Variants in CUTC observed in about 807,000 individuals in gnomAD.
CUTC encodes copper homeostasis protein cutC homolog.
In CUTC, 27 loss-of-function variants were observed where a neutral mutation model predicts 36.2. That is an observed-to-expected ratio of 0.75 (90% CI 0.55 to 1.03). The LOEUF is 1.03. CUTC is among the 50% of genes least tolerant of loss of function. The probability of loss-of-function intolerance (pLI) is 0.00; values close to 1 mark genes in which losing one functional copy is unlikely to be tolerated. For synonymous variants in CUTC, 114 were observed against 118.3 expected (o/e 0.96, Z 0.24); for missense variants, 315 against 343.5 (o/e 0.92, Z 0.66).
At chr10:99,755,184 AT>A (rs1034794645) in intron 8 of CUTC, among the ~76,000 whole-genome samples, 6 of 152,254 alleles carry the variant, frequency 3.9e-5, no homozygotes, top group African/African-American at 1.4e-4. Flanking sequence ...GAAAAACACA[AT>A]GTAAAAGAAG....
chr10:99,755,701 A>G lies in CUTC; in HGVS notation c.784A>G (p.Arg262Gly). The change falls in exon 9 of 9, where the codon AGG becomes GGG. Residue 262 changes from arginine (R) to glycine (G), a missense_variant. By Grantham distance (125) the Arg-to-Gly change is moderately radical (BLOSUM62 -2). Transcript: ENST00000370476. ...SLKVTDVTKVRTLNAIAKNIL... is the reference protein window; with the variant it reads ...SLKVTDVTKVGTLNAIAKNIL... ...AAAGGTAACAGATGTGACCAAAGTA[A>G]GGACTTTGAATGCTATCGCAAAGAA... 1 of 1,613,852 alleles carries G rather than the reference A, an allele frequency of 6.2e-7. No homozygotes were observed. The highest frequency in any genetic ancestry group is 8.5e-7 in the Non-Finnish European group (1 of 1,179,764).
intron 2 of CUTC, among the ~76,000 whole-genome samples, chr10:99,738,287 A>G (rs1225237875): frequency 1.3e-5 from 2 of 152,160 alleles, no homozygotes; most frequent in Non-Finnish European, 2.9e-5. Context: ...GTCCCTTTTA[A>G]AGAACAAAAC....
intron 1 of CUTC, among the ~76,000 whole-genome samples, chr10:99,732,816 C>T (rs993288785): frequency 6.6e-6 from 1 of 152,132 alleles, no homozygotes; most frequent in South Asian, 2.1e-4. Context: ...GCTGCCACGG[C>T]GGGGACGGGG....
rs1234382049 is a variant in CUTC, at chr10:99,755,768, A to G, written c.*29A>G. The G allele has an allele frequency of 7.2e-7, 1 of 1,385,632 alleles. No homozygotes were observed. The highest frequency in any genetic ancestry group is 1.0e-6 in the Non-Finnish European group (1 of 973,692). The allele number at this position is 1,385,632 out of a possible 1,614,324, so 85.8% of individuals were successfully genotyped here. On this transcript the variant is annotated 3_prime_UTR_variant, in exon 9 of 9. Coordinates refer to ENST00000370476, the MANE Select transcript of CUTC (RefSeq NM_015960.3). ...GACCTCTCTGAGAGACATGGATATCACAGGATGAAGGTAGAACTATAATCT... is the reference window on the plus strand; with the variant it reads ...GACCTCTCTGAGAGACATGGATATCGCAGGATGAAGGTAGAACTATAATCT...
chr10:99,733,265 C>T (rs71488016), intron 1 of CUTC, among the ~76,000 whole-genome samples: 3,515 of 152,004 alleles, frequency 0.023, 54 homozygotes, highest in Non-Finnish European at 0.035. Context: ...GCCGAGATCG[C>T]GCCACTGCAC....
chr10:99,738,342 A>G lies in CUTC; in HGVS notation c.134-1368A>G, dbSNP rs570594484. 3.3e-5 allele frequency among the ~76,000 whole-genome samples: 5 copies of G among 151,856 alleles called. No individual in the cohort carries two copies. The South Asian group carries it at 1.0e-3, about 31-fold the overall frequency. ...ACCTTTAAAAAAATCATTTCTTAAT[A>G]TCGTCAAATAACCCAGTTTTCAGAT... On this transcript the variant is annotated intron_variant, in intron 2 of 8. Coordinates refer to ENST00000370476, the MANE Select transcript of CUTC (RefSeq NM_015960.3).
chr10:99,746,575 C>A (rs1316913068), intron 5 of CUTC, among the ~76,000 whole-genome samples: 1 of 151,716 alleles, frequency 6.6e-6, no homozygotes, highest in South Asian at 2.1e-4. Flanking sequence ...ATATTGAAAA[C>A]TTTTCATTTC....
Position 99,743,262 on chromosome 10 carries a change from T to G in CUTC, c.303T>G (p.Ala101=), listed in dbSNP as rs2037353343. The G allele has an allele frequency of 6.2e-7, 1 of 1,614,096 alleles. No individual in the cohort carries two copies. Among genetic ancestry groups the G allele is most frequent in the Non-Finnish European group, 8.5e-7 (1 of 1,180,046 alleles). The stretch of plus-strand genomic sequence containing the variant: ...ATCGTGAAATTGAGGTGATGAAGGC[T>G]GACATTCGTCTTGCCAAGCTTTATG... The part of the protein sequence containing the change: ...YSDREIEVMK[A]DIRLAKLYGA... Residue 101 remains alanine, a synonymous_variant, in exon 4 of 9, where the codon GCT becomes GCG. Coordinates refer to ENST00000370476, the MANE Select transcript of CUTC (RefSeq NM_015960.3).
At chr10:99,750,552 A>T (rs576700432) in intron 7 of CUTC, among the ~76,000 whole-genome samples, 156 bp downstream of exon 7, 1 of 152,246 alleles carries the variant, frequency 6.6e-6, no homozygotes, top group East Asian at 1.9e-4. Flanking sequence ...AATGTTTAAA[A>T]CTGGGAGATC....
At chr10:99,746,882 C>T (rs1266454408) in intron 5 of CUTC, among the ~76,000 whole-genome samples, 1 of 152,166 alleles carries the variant, frequency 6.6e-6, no homozygotes, top group South Asian at 2.1e-4. Context: ...GGTGATCCTC[C>T]CATCTCAGCC....
chr10:99,738,852 G>C (rs1375564090), intron 2 of CUTC, among the ~76,000 whole-genome samples: 2 of 152,064 alleles, frequency 1.3e-5, no homozygotes, highest in Non-Finnish European at 2.9e-5. Flanking sequence ...AAGGTTTTCT[G>C]TCAGCTTTTC....
At chr10:99,745,477 G>T (rs1347978651) in intron 5 of CUTC, among the ~76,000 whole-genome samples, 2 of 152,178 alleles carry the variant, frequency 1.3e-5, no homozygotes, top group Non-Finnish European at 2.9e-5. Context: ...AGCAGTATGA[G>T]AACCAAAGCA....
intron 6 of CUTC, among the ~76,000 whole-genome samples, chr10:99,747,917 A>G (rs1812160909): frequency 6.6e-6 from 1 of 152,222 alleles, no homozygotes; most frequent in Non-Finnish European, 1.5e-5. Flanking sequence ...TTCCAAAACT[A>G]AAATTATAAT....
chr10:99,746,507 T>TA (rs955053189), intron 5 of CUTC, among the ~76,000 whole-genome samples: 20 of 151,868 alleles, frequency 1.3e-4, no homozygotes, highest in African/African-American at 4.8e-4. Context: ...CCCCTGAACT[T>TA]AAAAAAAAGT....
intron 6 of CUTC, 42 bp from the exon 7 acceptor site, chr10:99,750,327 A>G: frequency 6.7e-7 from 1 of 1,494,644 alleles, no homozygotes; most frequent in Non-Finnish European, 9.1e-7. Flanking sequence ...CATTCAAGAG[A>G]AAGATATTAA....
intron 5 of CUTC, 103 bp from the exon 6 acceptor site, chr10:99,747,154 A>C (rs573144587): frequency 7.8e-7 from 1 of 1,284,038 alleles, no homozygotes; most frequent in African/African-American, 1.5e-5. Flanking sequence ...TTTGTAAGCC[A>C]GTACAAGCTA....
At position 99,736,297 on chromosome 10, in the gene CUTC, C is replaced by G. The variant is rs1564655016; in HGVS notation, c.113C>G (p.Ala38Gly). Residue 38 changes from alanine to glycine, a missense_variant, in exon 2 of 9, where the codon GCT (alanine) becomes GGT (glycine). Transcript: ENST00000370476. Reference protein sequence around the residue: ...MEVCVDSVESAVNAERGGADR... With the variant: ...MEVCVDSVESGVNAERGGADR... ...GTTTGTGTTGATTCAGTGGAATCAGCTGTGAATGCAGAAAGAGGAGGTAAG... is the reference window on the plus strand; with the variant it reads ...GTTTGTGTTGATTCAGTGGAATCAGGTGTGAATGCAGAAAGAGGAGGTAAG... The G allele has an allele frequency of 6.2e-7, 1 of 1,613,494 alleles. No homozygotes were observed. The highest frequency in any genetic ancestry group is 8.5e-7 in the Non-Finnish European group (1 of 1,179,512).
At position 99,747,312 on chromosome 10, in the gene CUTC, A is replaced by G; in HGVS notation, c.495A>G (p.Gly165=). 6.2e-7 allele frequency: 1 copy of G among 1,614,134 alleles called. No homozygotes were observed. ...MAALETLLTL[G]FERVLTSGCD... ...CTCTGGAGACCCTCTTAACCTTGGG[A>G]TTTGAACGCGTGTTGACCAGTGGAT... The change falls in exon 6 of 9, where the codon GGA becomes GGG. Residue 165 remains glycine (G), a synonymous_variant. Transcript: ENST00000370476.
intron 1 of CUTC, among the ~76,000 whole-genome samples, chr10:99,733,189 A>C (rs891164241): frequency 5.3e-5 from 8 of 152,138 alleles, no homozygotes; most frequent in African/African-American, 1.9e-4. Flanking sequence ...GGCGCCTGTA[A>C]TACCAGTTAC....
Sources: allele counts gnomAD v4.1 joint callset (sites outside exome capture counted in the v4.1 genomes callset), GRCh38; gene constraint gnomAD v4.1.1; transcripts MANE v1.5; gene names NCBI Gene and HGNC (gene_info 2026-07-23, HGNC 2026-07-21).